PARD3: variants seen among roughly 807,000 people sequenced by gnomAD.
The protein encoded by PARD3 is partitioning defective 3 homolog.
PARD3 carries 75 observed loss-of-function variants against 155.4 expected under a neutral mutation model. The observed-to-expected ratio is 0.48, with a 90% confidence interval of 0.40 to 0.58. PARD3 has a LOEUF of 0.58. Among genes scored for constraint, PARD3 ranks in the 20% least tolerant of loss-of-function variants. PARD3 has a pLI of 0.00. For synonymous variants in PARD3, 576 were observed against 610.5 expected (o/e 0.94, Z 0.83); for missense variants, 1,642 against 1,721.7 (o/e 0.95, Z 0.82).
At chr10:34,134,839 G>A (rs1947809631) in intron 22 of PARD3, among the ~76,000 whole-genome samples, 1 of 152,218 alleles carries the variant, frequency 6.6e-6, no homozygotes, top group African/African-American at 2.4e-5. Context: ...TTCTGGCTTT[G>A]AGAGATGAAA....
chr10:34,736,955 G>A (rs2094926913), intron 1 of PARD3, among the ~76,000 whole-genome samples: 1 of 152,160 alleles, frequency 6.6e-6, no homozygotes, highest in East Asian at 1.9e-4. Context: ...GGGATTACAG[G>A]CATGAGCCAC....
intron 4 of PARD3, among the ~76,000 whole-genome samples, chr10:34,458,452 C>T (rs2077448952): frequency 6.6e-6 from 1 of 152,190 alleles, no homozygotes; most frequent in Admixed American, 6.5e-5. Flanking sequence ...ATCCTCCCAT[C>T]TTGGCCTCCC....
chr10:34,740,206 G>A (rs1372105126), intron 1 of PARD3, among the ~76,000 whole-genome samples: 1 of 152,230 alleles, frequency 6.6e-6, no homozygotes, highest in East Asian at 1.9e-4. Context: ...TCCAGTTCCA[G>A]CAGAGCTGGC....
rs1337881332 is a variant in PARD3 at position 34,377,949 on chromosome 10, G to C, written c.1539+18C>G. 4.0e-6 allele frequency: 6 copies of C among 1,507,752 alleles called. No homozygotes were observed. The highest frequency in any genetic ancestry group is 5.3e-6 in the Non-Finnish European group (6 of 1,135,014). The allele number at this position is 1,507,752 out of a possible 1,614,324, so 93.4% of individuals were successfully genotyped here. ...CATTTCAAGAATCAGGGAACATCCT[G>C]CTGGGGAAGTCACTTACCTCTATAA... On this transcript the variant is annotated intron_variant, in intron 10 of 24. Transcript: ENST00000374788.
At chr10:34,755,460 G>C (rs1451932813) in intron 1 of PARD3, among the ~76,000 whole-genome samples, 1 of 152,100 alleles carries the variant, frequency 6.6e-6, no homozygotes, top group African/African-American at 2.4e-5. Flanking sequence ...CAAGAGCCCA[G>C]TGCAAGGGTA....
At chr10:34,506,601 C>T (rs1288610535) in intron 3 of PARD3, among the ~76,000 whole-genome samples, 2 of 152,084 alleles carry the variant, frequency 1.3e-5, no homozygotes, top group African/African-American at 4.8e-5. Flanking sequence ...TAAGTCTGCT[C>T]CACTGTCAAG....
intron 1 of PARD3, among the ~76,000 whole-genome samples, chr10:34,806,680 G>A (rs1191659891): frequency 6.6e-6 from 1 of 152,152 alleles, no homozygotes; most frequent in Non-Finnish European, 1.5e-5. Flanking sequence ...ATTTGACCTG[G>A]AGAGCAAGCC....
intron 2 of PARD3, among the ~76,000 whole-genome samples, chr10:34,622,825 T>C (rs895839973): frequency 2.7e-5 from 4 of 150,360 alleles, no homozygotes; most frequent in Non-Finnish European, 4.4e-5. Context: ...TTTTCTTTTT[T>C]TCTTTTTTTT....
At chr10:34,418,234 G>C (rs962033912) in intron 5 of PARD3, among the ~76,000 whole-genome samples, 4 of 152,198 alleles carry the variant, frequency 2.6e-5, no homozygotes, top group African/African-American at 9.6e-5. Context: ...GAGTGCAGTG[G>C]CTTGATCTTA....
In PARD3 at chr10:34,124,923, G is replaced by C. The variant is rs115281813; in HGVS notation, c.3541-5183C>G. On this transcript the variant is annotated intron_variant, in intron 23 of 24. Coordinates refer to ENST00000374788, the MANE Select transcript of PARD3 (RefSeq NM_001184785.2). ...AGTTCCTACCACACAGGGCTTCTGAGCATAGCATGGCCATGAGTCACAGAG... is the reference window on the plus strand; with the variant it reads ...AGTTCCTACCACACAGGGCTTCTGACCATAGCATGGCCATGAGTCACAGAG... Among the ~76,000 whole-genome samples the C allele has an allele frequency of 3.3e-3, 500 of 152,286 alleles. 1 individual carries two copies. Among genetic ancestry groups the C allele is most frequent in the African/African-American group, 0.011 (471 of 41,556 alleles).
At chr10:34,814,654 G>A (rs918262430) in intron 1 of PARD3, among the ~76,000 whole-genome samples, 1 of 151,870 alleles carries the variant, frequency 6.6e-6, no homozygotes. Flanking sequence ...GAGGGCGGGG[G>A]CCGCGGGACC....
intron 22 of PARD3, among the ~76,000 whole-genome samples, chr10:34,264,747 A>ATTT (rs71523323): frequency 6.9e-6 from 1 of 145,284 alleles, no homozygotes; most frequent in Non-Finnish European, 1.5e-5. Context: ...AAAAACTGGG[A>ATTT]TTTTTTTTTT....
intron 22 of PARD3, among the ~76,000 whole-genome samples, chr10:34,142,360 C>T (rs1753585): frequency 0.27 from 41,597 of 151,290 alleles, 6,110 homozygotes; most frequent in Non-Finnish European, 0.31. Flanking sequence ...TGGGCAACAT[C>T]GCAAGACCCC....
chr10:34,188,966 C>A (rs1374629789), intron 22 of PARD3, among the ~76,000 whole-genome samples: 5 of 152,144 alleles, frequency 3.3e-5, no homozygotes. Context: ...AAAGTGTGGT[C>A]TATGGACTCC....
chr10:34,770,774 G>A (rs1352286051), intron 1 of PARD3, among the ~76,000 whole-genome samples: 1 of 152,144 alleles, frequency 6.6e-6, no homozygotes, highest in African/African-American at 2.4e-5. Context: ...TTTCCTAGGG[G>A]TATCACCTGC....
At chr10:34,581,261 GT>G (rs2087451702) in intron 2 of PARD3, among the ~76,000 whole-genome samples, 3 of 74,286 alleles carry the variant, frequency 4.0e-5, no homozygotes, top group Non-Finnish European at 7.8e-5. Context: ...TTGAGACGGA[GT>G]TTCACTCTGT....
At chr10:34,479,016 T>C (rs2078892379) in intron 3 of PARD3, among the ~76,000 whole-genome samples, 2 of 152,158 alleles carry the variant, frequency 1.3e-5, no homozygotes, top group African/African-American at 4.8e-5. Flanking sequence ...ACATTTTATA[T>C]AAAGGCTGTA....
intron 7 of PARD3, among the ~76,000 whole-genome samples, chr10:34,386,220 G>C (rs189809434): frequency 1.3e-5 from 2 of 152,182 alleles, no homozygotes; most frequent in African/African-American, 4.8e-5. Flanking sequence ...ACTAGTGTAT[G>C]AGTCTAAAAA....
intron 22 of PARD3, among the ~76,000 whole-genome samples, chr10:34,165,888 C>T (rs1487250817): frequency 6.6e-6 from 1 of 152,178 alleles, no homozygotes; most frequent in Non-Finnish European, 1.5e-5. Context: ...TTATTCTAAT[C>T]ACCTGGTAAG....
Sources: allele counts gnomAD v4.1 joint callset (sites outside exome capture counted in the v4.1 genomes callset), GRCh38; gene constraint gnomAD v4.1.1; transcripts MANE v1.5; gene names NCBI Gene and HGNC (gene_info 2026-07-23, HGNC 2026-07-21).